DMD: variants seen among roughly 807,000 people sequenced by gnomAD.
The protein encoded by DMD is mutant dystrophin.
In DMD, 63 loss-of-function variants were observed where a neutral mutation model predicts 330.1. The observed-to-expected ratio is 0.19, with a 90% CI of 0.16 to 0.24. The LOEUF is 0.24. DMD is among the 10% of genes least tolerant of loss of function. The pLI, the probability that DMD is intolerant of heterozygous loss-of-function variation, is 1.00. For synonymous variants in DMD, 1,223 were observed against 959.8 expected (o/e 1.27, Z -5.07); for missense variants, 3,344 against 2,684.1 (o/e 1.25, Z -5.43).
chrX:31,168,090 A>T (rs758355249), intron 74 of DMD, among the ~76,000 whole-genome samples: 1 of 112,025 alleles, frequency 8.9e-6, no homozygotes, highest in African/African-American at 3.2e-5. Context: ...TTCCTTTGTC[A>T]GATACGGCAG....
intron 48 of DMD, among the ~76,000 whole-genome samples, chrX:31,854,531 T>C (rs754261082): frequency 2.7e-5 from 3 of 111,488 alleles, no homozygotes; most frequent in African/African-American, 6.5e-5. Flanking sequence ...GCAATACTAT[T>C]ACCATTTTTT....
chrX:31,505,860 T>C (rs1003652667), intron 56 of DMD, among the ~76,000 whole-genome samples: 1 of 111,061 alleles, frequency 9.0e-6, no homozygotes, highest in African/African-American at 3.3e-5. Context: ...TCTCGATCTC[T>C]TGACCTCGTG....
intron 60 of DMD, among the ~76,000 whole-genome samples, chrX:31,351,159 TACACACAC>T (rs3061695): frequency 7.6e-5 from 8 of 105,093 alleles, no homozygotes; most frequent in Middle Eastern, 4.3e-3. Flanking sequence ...CATACATATA[TACACACAC>T]ACACACACAC....
At chrX:32,957,131 C>T (rs1167054721) in intron 2 of DMD, among the ~76,000 whole-genome samples, 1 of 111,339 alleles carries the variant, frequency 9.0e-6, no homozygotes, top group African/African-American at 3.3e-5. Context: ...GATGAACTTA[C>T]TTTTAGTGTC....
At chrX:31,639,185 A>G (rs1276438998) in intron 54 of DMD, among the ~76,000 whole-genome samples, 1 of 111,758 alleles carries the variant, frequency 8.9e-6, no homozygotes, top group Non-Finnish European at 1.9e-5. Flanking sequence ...ACCACAAAAA[A>G]AAGAGGCATC....
chrX:32,491,634 A>G, intron 19 of DMD, 116 bp from the exon 20 acceptor site: 1 of 703,292 alleles, frequency 1.4e-6, no homozygotes. Context: ...ATTTCAAACC[A>G]GATCAATTAT....
At chrX:33,059,757 A>G (rs1299653413) in intron 1 of DMD, among the ~76,000 whole-genome samples, 2 of 112,274 alleles carry the variant, frequency 1.8e-5, no homozygotes, top group East Asian at 5.6e-4. Flanking sequence ...GGTATGTTAT[A>G]GAATAGAAAA....
intron 1 of DMD, among the ~76,000 whole-genome samples, chrX:33,113,826 C>G (rs2095360047): frequency 1.8e-5 from 2 of 110,736 alleles, no homozygotes; most frequent in South Asian, 7.6e-4. Context: ...TTTATGTAAT[C>G]TAATGAGAAA....
intron 1 of DMD, among the ~76,000 whole-genome samples, chrX:33,290,581 C>G (rs2053497673): frequency 9.0e-6 from 1 of 111,286 alleles, no homozygotes; most frequent in Admixed American, 9.6e-5. Context: ...ATACTTGCTT[C>G]TTTATGTCTC....
chrX:33,183,081 T>A (rs970446202), intron 1 of DMD, among the ~76,000 whole-genome samples: 1 of 111,917 alleles, frequency 8.9e-6, no homozygotes, highest in Non-Finnish European at 1.9e-5. Context: ...CTTATGGGAA[T>A]AAAAATATTA....
At chrX:31,436,142 A>G in intron 60 of DMD, among the ~76,000 whole-genome samples, 1 of 109,078 alleles carries the variant, frequency 9.2e-6, no homozygotes, top group Non-Finnish European at 1.9e-5. Context: ...AACACATTCC[A>G]TTTTTAAAAA....
At chrX:31,380,177 A>C (rs1036620469) in intron 60 of DMD, among the ~76,000 whole-genome samples, 1 of 110,269 alleles carries the variant, frequency 9.1e-6, no homozygotes, top group Non-Finnish European at 1.9e-5. Context: ...AAACCTCTTA[A>C]AACTCCCAAA....
chrX:32,639,456 A>G (rs1403827232), intron 11 of DMD, among the ~76,000 whole-genome samples: 1 of 112,411 alleles, frequency 8.9e-6, no homozygotes, highest in Non-Finnish European at 1.9e-5. Flanking sequence ...TAAACACTAC[A>G]TTATGAAAGG....
intron 47 of DMD, among the ~76,000 whole-genome samples, chrX:31,895,408 C>T (rs764127364): frequency 3.6e-5 from 4 of 111,658 alleles, no homozygotes; most frequent in South Asian, 7.4e-4. Context: ...TATAAGCAAT[C>T]GATACTTTTC....
At chrX:31,414,198 A>G (rs1356271782) in intron 60 of DMD, among the ~76,000 whole-genome samples, 1 of 110,261 alleles carries the variant, frequency 9.1e-6, no homozygotes, top group African/African-American at 3.3e-5. Flanking sequence ...TGTATTCAGT[A>G]GAGACAGGGT....
intron 12 of DMD, among the ~76,000 whole-genome samples, chrX:32,612,565 T>C (rs932892475): frequency 2.1e-4 from 24 of 111,692 alleles, no homozygotes; most frequent in African/African-American, 7.5e-4. Flanking sequence ...CCCTGGTTTA[T>C]ATAGACACTT....
chrX:31,344,841 A>T (rs1445558858), intron 61 of DMD, among the ~76,000 whole-genome samples: 1 of 109,809 alleles, frequency 9.1e-6, no homozygotes, highest in Non-Finnish European at 1.9e-5. Flanking sequence ...ATAAAAAAAT[A>T]AAAGATAGAA....
At chrX:31,519,769 A>AT (rs762529086) in intron 55 of DMD, among the ~76,000 whole-genome samples, 3 of 112,145 alleles carry the variant, frequency 2.7e-5, no homozygotes, top group Non-Finnish European at 5.6e-5. Context: ...CTAGGTATTC[A>AT]TAAGTTTTGA....
rs1343006914 is a variant in DMD, at chrX:31,837,246, A to C, written c.7099-427T>G. 3.6e-5 allele frequency among the ~76,000 whole-genome samples: 4 copies of C among 112,232 alleles called. No individual in the cohort carries two copies. The East Asian group carries it at 1.1e-3, about 31-fold the overall frequency. On this transcript the variant is annotated intron_variant, in intron 48 of 78. Transcript: ENST00000357033. ...TGGATATAAATTTTGTTTTGAAATA[A>C]ATATCAAATAATTATTTCTACATCA...
Sources: gnomAD v4.1 joint callset for allele counts (sites outside exome capture counted in the v4.1 genomes callset) on GRCh38, gnomAD v4.1.1 for gene constraint, MANE v1.5 for transcripts, NCBI Gene and HGNC (gene_info 2026-07-23, HGNC 2026-07-21) for gene names.